The following ZSCAN18 variants were observed in gnomAD, a reference collection of about 807,000 sequenced individuals.
ZSCAN18 encodes zinc finger and SCAN domain containing 18.
Under a neutral mutation model 31.1 loss-of-function variants are expected in ZSCAN18, and 16 were observed. That is an observed-to-expected ratio of 0.51 (90% CI 0.35 to 0.78). The LOEUF (loss-of-function observed/expected upper bound fraction) is 0.78. Ranked by LOEUF, ZSCAN18 falls within the 30% of genes least tolerant of loss-of-function variation. The probability of loss-of-function intolerance (pLI) is 0.01; values close to 1 mark genes in which losing one functional copy is unlikely to be tolerated. For missense variants in ZSCAN18, 731 were observed against 697.4 expected, an observed-to-expected ratio of 1.05 and a Z score of -0.54; for synonymous variants, 375 against 320.7, an observed-to-expected ratio of 1.17 and a Z score of -1.81.
chr19:58,103,948 A>C (rs569048157), intron 1 of ZSCAN18, among the ~76,000 whole-genome samples: 2 of 152,328 alleles, frequency 1.3e-5, no homozygotes, highest in African/African-American at 4.8e-5. Context: ...ATAGGGAGAA[A>C]GCTTTAATGG....
chr19:58,103,799 T>C (rs1257854231), intron 1 of ZSCAN18, among the ~76,000 whole-genome samples: 3 of 91,798 alleles, frequency 3.3e-5, no homozygotes, highest in African/African-American at 8.8e-5. Flanking sequence ...AAGGAAGGCG[T>C]GTCAAAGACA....
At chr19:58,091,661 A>G (rs1172272995) in intron 1 of ZSCAN18, among the ~76,000 whole-genome samples, 2 of 152,210 alleles carry the variant, frequency 1.3e-5, no homozygotes, top group African/African-American at 4.8e-5. Context: ...GCCAGTATTC[A>G]GGATGAACTC....
intron 1 of ZSCAN18, among the ~76,000 whole-genome samples, chr19:58,111,005 A>G (rs1325037967): frequency 1.3e-5 from 2 of 152,078 alleles, no homozygotes; most frequent in Admixed American, 6.6e-5. Context: ...CATCTCTACT[A>G]AAAATACAAA....
rs959276350 is a variant in ZSCAN18, at chr19:58,090,771, G to A, written c.-119-385C>T. On this transcript the variant is annotated intron_variant, in intron 1 of 6. Coordinates refer to ENST00000601144, the MANE Select transcript of ZSCAN18 (RefSeq NM_001145543.2). The surrounding 1 kb of genome is among the most constrained non-coding windows in gnomAD (Gnocchi z 4.7). The stretch of plus-strand genomic sequence containing the variant: ...CACCCAGCTACTTTTTGTATTTTTA[G>A]TGGAGATGGGGTTTCACCATGTTGG... 6.6e-6 allele frequency among the ~76,000 whole-genome samples: 1 copy of A among 151,606 alleles called. No individual in the cohort carries two copies. The highest frequency in any genetic ancestry group is 2.4e-5 in the African/African-American group (1 of 41,302).
upstream of ZSCAN18, among the ~76,000 whole-genome samples, chr19:58,100,130 T>C (rs1399985572): frequency 1.3e-5 from 2 of 152,016 alleles, no homozygotes; most frequent in Non-Finnish European, 2.9e-5. Flanking sequence ...AGCTAATTTT[T>C]TTTTTTAAGA....
At chr19:58,115,980 CA>C (rs887268203) in intron 1 of ZSCAN18, among the ~76,000 whole-genome samples, 2 of 151,266 alleles carry the variant, frequency 1.3e-5, no homozygotes, top group African/African-American at 2.4e-5. Flanking sequence ...AAAGGCAAGA[CA>C]AAAAAAACTG....
chr19:58,094,241 C>CA (rs57599558), intron 1 of ZSCAN18, among the ~76,000 whole-genome samples: 25,720 of 141,396 alleles, frequency 0.18, 2,190 homozygotes, highest in Admixed American at 0.22. Context: ...ACTAAAAATA[C>CA]AAAAAAAAAA....
chr19:58,088,900 C>T, intron 2 of ZSCAN18, 63 bp from the exon 3 acceptor site: 1 of 1,532,182 alleles, frequency 6.5e-7, no homozygotes. Context: ...AACAATCACA[C>T]AGTTAAACCA....
intron 1 of ZSCAN18, among the ~76,000 whole-genome samples, chr19:58,095,104 G>A (rs921190390): frequency 1.2e-4 from 19 of 152,110 alleles, no homozygotes; most frequent in South Asian, 4.1e-4. Context: ...AGGTGGGTAC[G>A]CTAACCCCTG....
chr19:58,111,870 G>T (rs1436539728), intron 1 of ZSCAN18, among the ~76,000 whole-genome samples: 1 of 152,120 alleles, frequency 6.6e-6, no homozygotes, highest in Non-Finnish European at 1.5e-5. Context: ...CGAGCAAGTA[G>T]GACTGTTCAT....
At position 58,097,025 on chromosome 19, in the gene ZSCAN18, C is replaced by T. The variant is rs116529515; in HGVS notation, c.-120+1149G>A. Among the ~76,000 whole-genome samples, 205 of 152,210 alleles carry T rather than the reference C, an allele frequency of 1.3e-3. 2 individuals carry two copies. The highest frequency in any genetic ancestry group is 4.8e-3 in the African/African-American group (200 of 41,514). ...AAGCATCATGCACAGAAAACAGCAA[C>T]TCGATGCGACACGTGGTCCCGCTCT... On this transcript the variant is annotated intron_variant, in intron 1 of 6. Transcript: ENST00000601144.
intron 6 of ZSCAN18, 88 bp from the exon 7 acceptor site, chr19:58,085,467 G>T: frequency 8.3e-7 from 1 of 1,208,566 alleles, no homozygotes; most frequent in East Asian, 2.6e-5. Flanking sequence ...CCGGAACAGC[G>T]CACAGGGCTC....
intron 6 of ZSCAN18, 132 bp from the exon 7 acceptor site, chr19:58,085,511 TTGGAA>T: frequency 1.3e-6 from 1 of 785,872 alleles, no homozygotes; most frequent in Non-Finnish European, 1.9e-6. Flanking sequence ...TCACGGCTGT[TTGGAA>T]GCAGCGCTGT....
At chr19:58,091,897 G>T (rs2074419042) in intron 1 of ZSCAN18, among the ~76,000 whole-genome samples, 3 of 152,074 alleles carry the variant, frequency 2.0e-5, no homozygotes, top group Admixed American at 1.3e-4. Context: ...AGTTTTATAG[G>T]GAAAACCATA....
At chr19:58,085,505 G>A (rs1463106982) in intron 6 of ZSCAN18, 126 bp from the exon 7 acceptor site, 4 of 847,664 alleles carry the variant, frequency 4.7e-6, no homozygotes, top group South Asian at 1.8e-5. Flanking sequence ...CGGGGCTCAC[G>A]GCTGTTTGGA....
At chr19:58,086,538 G>A (rs28521102) in intron 5 of ZSCAN18, 11,058 of 472,564 alleles carry the variant, frequency 0.023, 186 homozygotes, top group African/African-American at 0.065. Context: ...GTCTGAGTCG[G>A]GGGGCCTCCC....
upstream of ZSCAN18, among the ~76,000 whole-genome samples, chr19:58,101,542 CAG>C (rs1419017229): frequency 2.9e-5 from 4 of 136,792 alleles, no homozygotes; most frequent in East Asian, 6.4e-4. Context: ...TTTTTTGAGA[CAG>C]AGTCTTGCTC....
chr19:58,088,680 G>A lies in ZSCAN18; in HGVS notation c.553+8C>T, dbSNP rs1237144817. The A allele has an allele frequency of 1.2e-6, 2 of 1,606,606 alleles. No individual in the cohort carries two copies. Among genetic ancestry groups the A allele is most frequent in the Admixed American group, 3.3e-5 (2 of 59,992 alleles). On this transcript the variant is annotated splice_region_variant and intron_variant, in intron 3 of 6. Transcript: ENST00000601144. ...CAGCAGAGGCTGCCAGGCTAGCTGG[G>A]CACTCACGTGTCTCAGAAGGTGCCG...
At chr19:58,103,405 T>C (rs1474044891) in intron 1 of ZSCAN18, among the ~76,000 whole-genome samples, 2 of 152,334 alleles carry the variant, frequency 1.3e-5, no homozygotes, top group East Asian at 1.9e-4. Context: ...AAACAGCATA[T>C]GCTCTCTGTG....
Sources: allele counts gnomAD v4.1 joint callset (sites outside exome capture counted in the v4.1 genomes callset), GRCh38; gene constraint gnomAD v4.1.1; non-coding constraint Gnocchi (gnomAD v3.1); transcripts MANE v1.5; gene names NCBI Gene and HGNC (gene_info 2026-07-23, HGNC 2026-07-21).